MACROD2: variants seen among roughly 807,000 people sequenced by gnomAD.
MACROD2 encodes the protein mono-ADP ribosylhydrolase 2.
Under a neutral mutation model 70.4 loss-of-function variants are expected in MACROD2, and 36 were observed. That is an observed-to-expected ratio of 0.51 (90% confidence interval 0.39 to 0.68). MACROD2 has a LOEUF of 0.68. MACROD2 is among the 30% of genes least tolerant of loss of function. The pLI, the probability that MACROD2 is intolerant of heterozygous loss-of-function variation, is 0.00. For missense variants in MACROD2, 496 were observed against 538.4 expected, an observed-to-expected ratio of 0.92 and a Z score of 0.78; for synonymous variants, 172 against 178.8, an observed-to-expected ratio of 0.96 and a Z score of 0.30.
chr20:14,249,831 G>A (rs991086762), intron 3 of MACROD2, among the ~76,000 whole-genome samples: 17 of 152,108 alleles, frequency 1.1e-4, no homozygotes, highest in African/African-American at 4.1e-4. Flanking sequence ...AAGGTGGCAC[G>A]TTGTATATAA....
chr20:14,702,568 CATATATGTGT>C lies in MACROD2; in HGVS notation c.418+17616_418+17625del, dbSNP rs1568747249. Among the ~76,000 whole-genome samples, 15 of 60,938 alleles carry C rather than the reference CATATATGTGT, an allele frequency of 2.5e-4. 1 individual carries two copies. Among genetic ancestry groups the C allele is most frequent in the African/African-American group, 7.5e-4 (10 of 13,340 alleles). 40.0% of individuals were successfully genotyped at this position (60,938 alleles called of 152,430 possible). ...GTGTGTGTGTGTATATATATATACA[CATATATGTGT>C]ATATATATGTATATATATGTGTGTA... On this transcript the variant is annotated intron_variant, in intron 5 of 17. Transcript: ENST00000684519.
chr20:15,534,240 C>T (rs2047843901), intron 8 of MACROD2, among the ~76,000 whole-genome samples: 1 of 152,210 alleles, frequency 6.6e-6, no homozygotes, highest in African/African-American at 2.4e-5. Context: ...TGTAGACACA[C>T]ATCCTTCTGA....
chr20:15,249,348 C>T (rs934605687), intron 6 of MACROD2, among the ~76,000 whole-genome samples: 2 of 152,202 alleles, frequency 1.3e-5, no homozygotes, highest in African/African-American at 4.8e-5. Context: ...TGTCACTTCT[C>T]AGCTGAACCA....
In MACROD2 at chr20:14,189,055, C is replaced by CT. The variant is rs1327010223; in HGVS notation, c.271+103335dup. On this transcript the variant is annotated intron_variant, in intron 3 of 17. Transcript: ENST00000684519. ...AACTCAATTGAATGAATGAATGTGCCTTTTTTTTAACTAATGCTTACATGT... is the reference window on the plus strand; with the variant it reads ...AACTCAATTGAATGAATGAATGTGCCTTTTTTTTTAACTAATGCTTACATGT... Among the ~76,000 whole-genome samples, 4 of 151,926 alleles carry CT rather than the reference C, an allele frequency of 2.6e-5. No homozygotes were observed. In the East Asian group the frequency reaches 7.7e-4, roughly 29 times the overall value.
At chr20:14,081,507 T>G (rs1340310833) in intron 2 of MACROD2, among the ~76,000 whole-genome samples, 1 of 152,212 alleles carries the variant, frequency 6.6e-6, no homozygotes, top group Non-Finnish European at 1.5e-5. Flanking sequence ...AGCTTGCAAT[T>G]GTATAAAACC....
At chr20:14,666,197 T>C (rs2070734933) in intron 4 of MACROD2, among the ~76,000 whole-genome samples, 1 of 152,114 alleles carries the variant, frequency 6.6e-6, no homozygotes, top group Non-Finnish European at 1.5e-5. Flanking sequence ...CCCAAGTATA[T>C]TCCTATTAAG....
At chr20:14,305,460 A>G (rs1308348533) in intron 3 of MACROD2, among the ~76,000 whole-genome samples, 2 of 152,124 alleles carry the variant, frequency 1.3e-5, no homozygotes, top group Non-Finnish European at 2.9e-5. Context: ...CTGACTTGGA[A>G]CAGTATATAT....
At chr20:14,029,748 A>C (rs1346561398) in intron 2 of MACROD2, among the ~76,000 whole-genome samples, 2 of 152,208 alleles carry the variant, frequency 1.3e-5, no homozygotes, top group Non-Finnish European at 1.5e-5. Context: ...ATGTTGTTTA[A>C]TGTGTTTTTC....
chr20:14,080,226 G>A (rs1329536188), intron 2 of MACROD2, among the ~76,000 whole-genome samples: 2 of 151,912 alleles, frequency 1.3e-5, no homozygotes, highest in Admixed American at 1.3e-4. Context: ...GGTGGATCAC[G>A]AGGTCAGAAG....
chr20:15,450,429 A>G (rs1350754849), intron 7 of MACROD2, among the ~76,000 whole-genome samples: 1 of 152,052 alleles, frequency 6.6e-6, no homozygotes, highest in Non-Finnish European at 1.5e-5. Context: ...AATAATTATA[A>G]GGTAATTTTT....
chr20:15,549,763 A>C (rs1005733698), intron 8 of MACROD2, among the ~76,000 whole-genome samples: 2 of 152,268 alleles, frequency 1.3e-5, no homozygotes, highest in African/African-American at 4.8e-5. Flanking sequence ...ATTACCACTT[A>C]GCATATTCCC....
chr20:15,692,054 G>A lies in MACROD2; in HGVS notation c.646-170691G>A, dbSNP rs140518349. ...TTCCTGTGTAGTTTGGCCACATGGA[G>A]AGAATATGCTGATCGGATGGACTTT... is the stretch of plus-strand genomic sequence containing the variant. On this transcript the variant is annotated intron_variant, in intron 8 of 17. Coordinates refer to ENST00000684519, the MANE Select transcript of MACROD2 (RefSeq NM_001351661.2). 7.7e-3 allele frequency among the ~76,000 whole-genome samples: 1,167 copies of A among 152,272 alleles called. 8 individuals are homozygous for A. The highest frequency in any genetic ancestry group is 0.027 in the African/African-American group (1,117 of 41,552).
chr20:15,214,813 T>C (rs1174662244), intron 5 of MACROD2, among the ~76,000 whole-genome samples: 3 of 152,210 alleles, frequency 2.0e-5, no homozygotes, highest in Non-Finnish European at 2.9e-5. Context: ...GTTAAAATTC[T>C]ATCAAAATAC....
At chr20:15,413,737 A>G (rs913991465) in intron 6 of MACROD2, among the ~76,000 whole-genome samples, 2 of 152,232 alleles carry the variant, frequency 1.3e-5, no homozygotes, top group Admixed American at 1.3e-4. Context: ...TATGCCTTCT[A>G]ATAATGACAA....
At chr20:15,110,129 T>G (rs2075943309) in intron 5 of MACROD2, among the ~76,000 whole-genome samples, 2 of 152,156 alleles carry the variant, frequency 1.3e-5, no homozygotes, top group African/African-American at 4.8e-5. Context: ...GTGCTATCAT[T>G]TAATTTACTT....
chr20:15,362,966 GGAAA>G (rs2078370398), intron 6 of MACROD2, among the ~76,000 whole-genome samples: 1 of 151,550 alleles, frequency 6.6e-6, no homozygotes, highest in South Asian at 2.1e-4. Context: ...GGGAGGAGCA[GGAAA>G]GGAAGGAAGG....
At chr20:14,501,090 G>A (rs1387337183) in intron 4 of MACROD2, among the ~76,000 whole-genome samples, 5 of 150,920 alleles carry the variant, frequency 3.3e-5, no homozygotes, top group Admixed American at 6.6e-5. Flanking sequence ...GGCAACCTGA[G>A]GATTATATTC....
intron 3 of MACROD2, among the ~76,000 whole-genome samples, chr20:14,461,460 T>C (rs2084370335): frequency 6.6e-6 from 1 of 152,010 alleles, no homozygotes; most frequent in Admixed American, 6.6e-5. Flanking sequence ...ATTTCTTGTC[T>C]TCTGCTAGAT....
chr20:14,333,813 A>G (rs1289983033), intron 3 of MACROD2, among the ~76,000 whole-genome samples: 1 of 152,220 alleles, frequency 6.6e-6, no homozygotes, highest in African/African-American at 2.4e-5. Flanking sequence ...TACTTAAACC[A>G]GATGAAGAGG....
Sources: gnomAD v4.1 joint callset for allele counts (sites outside exome capture counted in the v4.1 genomes callset) on GRCh38, gnomAD v4.1.1 for gene constraint, MANE v1.5 for transcripts, NCBI Gene and HGNC (gene_info 2026-07-23, HGNC 2026-07-21) for gene names.